The following GRIK5 variants were observed in gnomAD, a reference collection of about 807,000 sequenced individuals.
GRIK5 encodes the protein glutamate receptor ionotropic, kainate 5.
Under a neutral mutation model 97.4 loss-of-function variants are expected in GRIK5, and 43 were observed. The observed-to-expected ratio is 0.44, with a 90% CI of 0.35 to 0.57. The LOEUF (loss-of-function observed/expected upper bound fraction) is 0.57. GRIK5 is among the 20% of genes least tolerant of loss of function. The pLI is 0.01. For missense variants in GRIK5, 1,015 were observed against 1,382.0 expected, an observed-to-expected ratio of 0.73 and a Z score of 4.21; for synonymous variants, 580 against 583.5, an observed-to-expected ratio of 0.99 and a Z score of 0.09.
chr19:42,024,505 G>A (rs966198829), intron 12 of GRIK5, among the ~76,000 whole-genome samples: 1 of 152,094 alleles, frequency 6.6e-6, no homozygotes, highest in African/African-American at 2.4e-5. Flanking sequence ...GAGCCACCGC[G>A]CCTGGCCTCA....
chr19:42,007,856 A>C (rs531903244), intron 15 of GRIK5, among the ~76,000 whole-genome samples: 5 of 152,188 alleles, frequency 3.3e-5, no homozygotes, highest in Admixed American at 6.5e-5. Flanking sequence ...AACATACTAG[A>C]AATAGGATTA....
intron 12 of GRIK5, among the ~76,000 whole-genome samples, chr19:42,037,088 A>AAGGT (rs1200644868): frequency 3.3e-5 from 5 of 152,216 alleles, no homozygotes; most frequent in Non-Finnish European, 7.3e-5. Context: ...CGCCTCAAGA[A>AAGGT]AGGTATCTAG....
At chr19:42,056,171 A>T (rs1438649179) in intron 8 of GRIK5, among the ~76,000 whole-genome samples, 1 of 151,734 alleles carries the variant, frequency 6.6e-6, no homozygotes, top group Admixed American at 6.6e-5. Context: ...TTTTGTAGAG[A>T]TGGGGTTTCT....
rs749968822 is a variant in GRIK5 at position 42,053,587 on chromosome 19, T to C, written c.1269+15A>G. The C allele has an allele frequency of 2.7e-6, 4 of 1,485,626 alleles. No homozygotes were observed. The highest frequency in any genetic ancestry group is 3.8e-6 in the Non-Finnish European group (4 of 1,062,838). 92.0% of individuals were successfully genotyped at this position (1,485,626 alleles called of 1,614,324 possible). A position where few individuals can be genotyped will look rare whatever the true frequency, so the allele number is the denominator to read the frequency against. On this transcript the variant is annotated intron_variant, in intron 11 of 19. Transcript: ENST00000593562. ...GGGCAGCGCCACTCCCAGGCCCCCA[T>C]CTAGGGCCACTCACCAGGATGGTTG...
Position 41,998,784 on chromosome 19 carries a change from G to T in GRIK5, c.*87C>A, listed in dbSNP as rs1393302637. On this transcript the variant is annotated 3_prime_UTR_variant, in exon 20 of 20. Coordinates refer to ENST00000593562, the MANE Select transcript of GRIK5 (RefSeq NM_002088.5). Reference sequence around the variant, plus strand: ...CGCCGGCGCACAAGTCCTGTCCCGCGCCCGCTGCGGGAGCGGAGACTGCTG... The same window carrying T: ...CGCCGGCGCACAAGTCCTGTCCCGCTCCCGCTGCGGGAGCGGAGACTGCTG... The T allele has an allele frequency of 2.7e-5, 18 of 655,656 alleles. 1 individual carries two copies. Among genetic ancestry groups the T allele is most frequent in the Non-Finnish European group, 3.3e-5 (17 of 515,092 alleles). 40.6% of individuals were successfully genotyped at this position (655,656 alleles called of 1,614,324 possible). A position where few individuals can be genotyped will look rare whatever the true frequency, so the allele number is the denominator to read the frequency against.
chr19:42,063,150 G>T (rs1199397881), intron 3 of GRIK5, among the ~76,000 whole-genome samples: 1 of 152,168 alleles, frequency 6.6e-6, no homozygotes, highest in African/African-American at 2.4e-5. Flanking sequence ...TGCCTACAAA[G>T]CCTGTGCCTA....
In GRIK5 at chr19:42,047,539, A is replaced by G. The variant is rs60967856; in HGVS notation, c.1270-4784T>C. On this transcript the variant is annotated intron_variant, in intron 11 of 19. Transcript: ENST00000593562. ...TGCAGTACTAGAACAAAGACAGACA[A>G]ACAGACAATAGAATGGAGTGTTTGG... Among the ~76,000 whole-genome samples, 1,296 of 152,244 alleles carry G rather than the reference A, an allele frequency of 8.5e-3. 22 individuals carry two copies. The highest frequency in any genetic ancestry group is 0.03 in the African/African-American group (1,238 of 41,536).
intron 15 of GRIK5, among the ~76,000 whole-genome samples, chr19:42,011,189 G>A (rs189910549): frequency 2.0e-5 from 3 of 152,122 alleles, no homozygotes; most frequent in East Asian, 3.9e-4. Flanking sequence ...CTCAAAGGAC[G>A]GGAGGGTGAG....
chr19:42,034,015 A>G (rs756152804), intron 12 of GRIK5, among the ~76,000 whole-genome samples: 13 of 151,976 alleles, frequency 8.6e-5, no homozygotes, highest in Non-Finnish European at 1.9e-4. Context: ...AAAATAAAAT[A>G]TCATGGCACA....
intron 11 of GRIK5, among the ~76,000 whole-genome samples, chr19:42,046,891 T>C (rs1425516673): frequency 6.6e-6 from 1 of 152,016 alleles, no homozygotes; most frequent in African/African-American, 2.4e-5. Context: ...TCCCCAATTT[T>C]ATTTATTTAT....
In GRIK5 at chr19:42,003,735, C is replaced by T. The variant is rs1470597170; in HGVS notation, c.2264-52G>A. On this transcript the variant is annotated intron_variant, in intron 17 of 19. Transcript: ENST00000593562. This position sits in a 1 kb window ranked among gnomAD's most constrained non-coding sequence, Gnocchi z 4.2. ...CAGCCATCGGGCCCTGCAGCCCTGA[C>T]CGCCCCAAACCCCAAACTGTGCCCT... 5 of 1,520,338 alleles carry T rather than the reference C, an allele frequency of 3.3e-6. No homozygotes were observed. In the East Asian group the frequency reaches 6.9e-5, roughly 21 times the overall value. The allele number at this position is 1,520,338 out of a possible 1,614,324, so 94.2% of individuals were successfully genotyped here.
chr19:42,006,115 C>T lies in GRIK5; in HGVS notation c.2038-167G>A, dbSNP rs547405440. On this transcript the variant is annotated intron_variant, in intron 16 of 19. Transcript: ENST00000593562. This position sits in a 1 kb window ranked among gnomAD's most constrained non-coding sequence, Gnocchi z 5.3. ...GAGAGAGAGGAGATGGACAAACTGT[C>T]CAGGCCAGGTCCAAGTCATCCCCAC... Among the ~76,000 whole-genome samples, 72 of 152,224 alleles carry T rather than the reference C, an allele frequency of 4.7e-4. No individual in the cohort carries two copies. Among genetic ancestry groups the T allele is most frequent in the South Asian group, 1.0e-3 (5 of 4,826 alleles).
At chr19:42,041,121 T>C (rs2075972126) in intron 12 of GRIK5, among the ~76,000 whole-genome samples, 1 of 152,188 alleles carries the variant, frequency 6.6e-6, no homozygotes, top group Non-Finnish European at 1.5e-5. Context: ...TGAAAGTCAG[T>C]GCCCTAAGGG....
rs748646355 is a variant in GRIK5 at position 42,065,333 on chromosome 19, G to A, written c.134C>T (p.Ala45Val). The A allele has an allele frequency of 6.2e-7, 1 of 1,610,348 alleles. No homozygotes were observed. The highest frequency in any genetic ancestry group is 1.7e-5 in the Admixed American group (1 of 59,864). ...VCGRGERLALALAREQINGII... is the reference protein window; with the variant it reads ...VCGRGERLALVLAREQINGII... The stretch of plus-strand genomic sequence containing the variant: ...CCCGTTGATCTGCTCCCGGGCCAAG[G>A]CCAAGGCCAGACGCTCACCGCGGCC... The change falls in exon 3 of 20, where the codon GCC becomes GTC. Residue 45 changes from alanine (A) to valine (V), a missense_variant. Coordinates refer to ENST00000593562, the MANE Select transcript of GRIK5 (RefSeq NM_002088.5). The surrounding 1 kb of genome is among the most constrained non-coding windows in gnomAD (Gnocchi z 5.8).
chr19:42,002,026 G>C lies in GRIK5; in HGVS notation c.2514+1306C>G. 3.2e-6 allele frequency: 2 copies of C among 633,148 alleles called. No homozygotes were observed. Among genetic ancestry groups the C allele is most frequent in the South Asian group, 3.9e-5 (2 of 51,748 alleles). The allele number at this position is 633,148 out of a possible 1,614,324, so 39.2% of individuals were successfully genotyped here. On this transcript the variant is annotated intron_variant, in intron 19 of 19. Transcript: ENST00000593562. The surrounding 1 kb of genome is among the most constrained non-coding windows in gnomAD (Gnocchi z 5.2). ...AGGAGTGACCGGAGAAGTGGGAGAA[G>C]GGGAAGAAGGGGCTTTGAGGATTGA...
chr19:41,998,947 A>G lies in GRIK5; in HGVS notation c.2867T>C (p.Val956Ala), dbSNP rs1309491091. The G allele has an allele frequency of 9.0e-6, 10 of 1,115,340 alleles. No homozygotes were observed. In the African/African-American group the frequency reaches 1.5e-4, roughly 17 times the overall value. The allele number at this position is 1,115,340 out of a possible 1,614,324, so 69.1% of individuals were successfully genotyped here. ...GGGCGGGCTGGTGGCTTCGGCGGGG[A>G]CGCCCAGGCCACGCGGAGGCGCGCC... Reference protein sequence around the residue: ...GAGAPPRGLGVPAEATSPPRP... With the variant: ...GAGAPPRGLGAPAEATSPPRP... Residue 956 changes from valine (V) to alanine (A), a missense_variant, in exon 20 of 20, where the codon GTC becomes GCC. By Grantham distance (64) the Val-to-Ala change is moderately conservative. Transcript: ENST00000593562.
chr19:42,021,207 A>T lies in GRIK5; in HGVS notation c.1871+94T>A. 9.8e-7 allele frequency: 1 copy of T among 1,019,000 alleles called. No homozygotes were observed. 63.1% of individuals were successfully genotyped at this position (1,019,000 alleles called of 1,614,324 possible). A position where few individuals can be genotyped will look rare whatever the true frequency, so the allele number is the denominator to read the frequency against. Reference sequence around the variant, plus strand: ...GCTCTGCAAGGGAAAACGGGGAATCAAATCTTCCAGGAGATGCCACAGCCC... The same window carrying T: ...GCTCTGCAAGGGAAAACGGGGAATCTAATCTTCCAGGAGATGCCACAGCCC... On this transcript the variant is annotated intron_variant, in intron 15 of 19. Transcript: ENST00000593562. This position sits in a 1 kb window ranked among gnomAD's most constrained non-coding sequence, Gnocchi z 4.2.
chr19:42,021,515 C>T lies in GRIK5; in HGVS notation c.1698-41G>A. The stretch of plus-strand genomic sequence containing the variant: ...CAGCGTGTGGATGGGGCCCAGAGCC[C>T]AGGTGGGGAGGAAAAGGAAAGAAGC... On this transcript the variant is annotated intron_variant, in intron 14 of 19. Transcript: ENST00000593562. This position sits in a 1 kb window ranked among gnomAD's most constrained non-coding sequence, Gnocchi z 4.2. The T allele has an allele frequency of 6.8e-7, 1 of 1,465,144 alleles. No individual in the cohort carries two copies. The allele number at this position is 1,465,144 out of a possible 1,614,324, so 90.8% of individuals were successfully genotyped here. A position where few individuals can be genotyped will look rare whatever the true frequency, so the allele number is the denominator to read the frequency against.
At chr19:42,039,488 A>T (rs945990206) in intron 12 of GRIK5, among the ~76,000 whole-genome samples, 2 of 152,138 alleles carry the variant, frequency 1.3e-5, no homozygotes, top group African/African-American at 2.4e-5. Flanking sequence ...AAACAAAAAC[A>T]AAAACAAAAC....
Sources: allele counts gnomAD v4.1 joint callset (sites outside exome capture counted in the v4.1 genomes callset), GRCh38; gene constraint gnomAD v4.1.1; non-coding constraint Gnocchi (gnomAD v3.1); transcripts MANE v1.5; gene names NCBI Gene and HGNC (gene_info 2026-07-23, HGNC 2026-07-21).